Variants in C14orf180 observed in about 807,000 individuals in gnomAD.
C14orf180 encodes the protein nutritionally-regulated adipose and cardiac enriched protein homolog.
C14orf180 carries 13 observed loss-of-function variants against 13.9 expected under a neutral mutation model. The observed-to-expected ratio is 0.94, with a 90% CI of 0.61 to 1.49. The LOEUF (loss-of-function observed/expected upper bound fraction) is 1.49, where lower values mean the gene tolerates loss of function less well. Among genes scored for constraint, C14orf180 ranks in the 40% most tolerant of loss-of-function variants. C14orf180 has a pLI of 0.00. For synonymous variants in C14orf180, 113 were observed against 106.3 expected, an observed-to-expected ratio of 1.06 and a Z score of -0.39; for missense variants, 238 against 232.0, an observed-to-expected ratio of 1.03 and a Z score of -0.17.
intron 1 of C14orf180, chr14:104,581,199 C>A (rs1260511946): frequency 2.0e-5 from 3 of 152,222 alleles, no homozygotes; most frequent in Non-Finnish European, 2.9e-5. Flanking sequence ...CCAGCCACCC[C>A]GCCTGGCTGT....
At chr14:104,585,161 G>A (rs1482045484) in intron 1 of C14orf180, among the ~76,000 whole-genome samples, 1 of 152,236 alleles carries the variant, frequency 6.6e-6, no homozygotes, top group East Asian at 1.9e-4. Flanking sequence ...CCTGTGAGGG[G>A]CAGGGGCGGC....
chr14:104,586,753 C>T (rs1407642964), intron 2 of C14orf180, among the ~76,000 whole-genome samples: 1 of 152,120 alleles, frequency 6.6e-6, no homozygotes, highest in African/African-American at 2.4e-5. Flanking sequence ...GATTGGAGGC[C>T]CCCAGGTGGG....
chr14:104,586,112 G>A (rs1886608569), intron 1 of C14orf180, among the ~76,000 whole-genome samples: 1 of 152,220 alleles, frequency 6.6e-6, no homozygotes, highest in Non-Finnish European at 1.5e-5. Flanking sequence ...ATCATCGAGG[G>A]TGACTTTCAG....
Position 104,587,882 on chromosome 14 carries a change from A to G in C14orf180, c.241+4A>G, listed in dbSNP as rs745775991. Reference sequence around the variant, plus strand: ...CCCCCAGCGGTGACCGTCCACTGTAAGAGGGCACCCGCAGCAAGCAGCTGG... The same window carrying G: ...CCCCCAGCGGTGACCGTCCACTGTAGGAGGGCACCCGCAGCAAGCAGCTGG... On this transcript the variant is annotated splice_donor_region_variant and intron_variant, in intron 3 of 4. Transcript: ENST00000557649. 3 of 1,601,390 alleles carry G rather than the reference A, an allele frequency of 1.9e-6. No individual in the cohort carries two copies. The South Asian group carries it at 3.4e-5, about 18-fold the overall frequency.
intron 1 of C14orf180, among the ~76,000 whole-genome samples, chr14:104,583,495 T>C (rs1886509172): frequency 6.6e-6 from 1 of 152,166 alleles, no homozygotes; most frequent in African/African-American, 2.4e-5. Context: ...GCTGCTCTCC[T>C]CACCCCCATT....
chr14:104,589,136 C>T lies in C14orf180; in HGVS notation c.*353C>T, dbSNP rs960551756. 8.6e-6 allele frequency: 4 copies of T among 464,400 alleles called. No individual in the cohort carries two copies. Among genetic ancestry groups the T allele is most frequent in the Middle Eastern group, 5.4e-4 (1 of 1,840 alleles). 28.8% of individuals were successfully genotyped at this position (464,400 alleles called of 1,614,324 possible). A position where few individuals can be genotyped will look rare whatever the true frequency, so the allele number is the denominator to read the frequency against. On this transcript the variant is annotated 3_prime_UTR_variant, in exon 5 of 5. Coordinates refer to ENST00000557649, the MANE Select transcript of C14orf180 (RefSeq NM_001008404.3). The surrounding 1 kb of genome is among the most constrained non-coding windows in gnomAD (Gnocchi z 4.9). ...CTCCTGCTGCTGCTAGGGCCTGGCC[C>T]GGCCATCACCGTGTGCACCCTCTTG... is the stretch of plus-strand genomic sequence containing the variant.
intron 2 of C14orf180, 45 bp downstream of exon 2, chr14:104,586,586 A>G (rs1886634145): frequency 2.3e-6 from 3 of 1,295,376 alleles, no homozygotes; most frequent in Non-Finnish European, 3.1e-6. Context: ...CTGGCCTTCC[A>G]CTGGGGGCTG....
chr14:104,581,867 C>T (rs1886448882), intron 1 of C14orf180, among the ~76,000 whole-genome samples: 1 of 151,012 alleles, frequency 6.6e-6, no homozygotes, highest in South Asian at 2.1e-4. Context: ...ACCCTCTGCC[C>T]CTGGAAGGCT....
At chr14:104,588,379 C>G in intron 4 of C14orf180, 70 bp downstream of exon 4, 4 of 1,583,984 alleles carry the variant, frequency 2.5e-6, no homozygotes, top group Non-Finnish European at 3.5e-6. Context: ...CACTCCCTCC[C>G]CGAGGGAGGT....
chr14:104,588,516 C>A, intron 4 of C14orf180, 62 bp from the exon 5 acceptor site: 1 of 1,442,214 alleles, frequency 6.9e-7, no homozygotes, highest in Non-Finnish European at 9.1e-7. Flanking sequence ...CCCCACCAGC[C>A]CCAGTCCTCC....
At chr14:104,583,953 G>A (rs1313669311) in intron 1 of C14orf180, among the ~76,000 whole-genome samples, 4 of 151,928 alleles carry the variant, frequency 2.6e-5, no homozygotes, top group African/African-American at 4.8e-5. Context: ...CACCCCACAC[G>A]TGCACACTCA....
Position 104,588,707 on chromosome 14 carries a change from G to C in C14orf180, c.407G>C (p.Arg136Pro), listed in dbSNP as rs564744283. The C allele has an allele frequency of 2.6e-6, 4 of 1,535,554 alleles. No homozygotes were observed. The South Asian group carries it at 3.6e-5, about 14-fold the overall frequency. ...KPVATALEDL[R>P]ARLLGLVLHL... ...GTGGCAACGGCACTGGAGGACCTGC[G>C]GGCCCGGCTCCTCGGCCTTGTCCTG... The change falls in exon 5 of 5, where the codon CGG becomes CCG. Residue 136 changes from arginine to proline, a missense_variant. By Grantham distance (103) the Arg-to-Pro change is moderately radical (BLOSUM62 -2). Coordinates refer to ENST00000557649, the MANE Select transcript of C14orf180 (RefSeq NM_001008404.3).
intron 1 of C14orf180, among the ~76,000 whole-genome samples, chr14:104,583,585 G>A (rs1320689833): frequency 6.6e-6 from 1 of 152,114 alleles, no homozygotes; most frequent in African/African-American, 2.4e-5. Context: ...GTGCTCTGGA[G>A]CCCACACCTG....
chr14:104,586,491 A>G lies in C14orf180; in HGVS notation c.61A>G (p.Arg21Gly). The G allele has an allele frequency of 6.4e-7, 1 of 1,550,574 alleles. No homozygotes were observed. Among genetic ancestry groups the G allele is most frequent in the Non-Finnish European group, 8.7e-7 (1 of 1,147,092 alleles). ...CCGGCCAGAGACACGACGTCAGACC[A>G]GAAAGAATGAGGAGGCCGCGTGGGG... The part of the protein sequence containing the change: ...DSRPETRRQT[R>G]KNEEAAWGPR... Residue 21 changes from arginine to glycine, a missense_variant, in exon 2 of 5, where the codon AGA (arginine) becomes GGA (glycine). Coordinates refer to ENST00000557649, the MANE Select transcript of C14orf180 (RefSeq NM_001008404.3).
Position 104,587,874 on chromosome 14 carries a change from CCACTGTAAGAGGG to C in C14orf180, c.241_241+12del. 1 of 1,606,944 alleles carries C rather than the reference CCACTGTAAGAGGG, an allele frequency of 6.2e-7. No homozygotes were observed. The highest frequency in any genetic ancestry group is 8.5e-7 in the Non-Finnish European group (1 of 1,176,986). ...TCCGAGAACCCCCAGCGGTGACCGT[CCACTGTAAGAGGG>C]CACCCGCAGCAAGCAGCTGGGAGAG... On this transcript the variant is annotated splice_donor_variant and splice_donor_5th_base_variant and coding_sequence_variant and intron_variant, in exon 3 of 5. Coordinates refer to ENST00000557649, the MANE Select transcript of C14orf180 (RefSeq NM_001008404.3). LOFTEE classifies it high-confidence loss of function.
At position 104,589,124 on chromosome 14, in the gene C14orf180, T is replaced by C; in HGVS notation, c.*341T>C. 2.1e-6 allele frequency: 1 copy of C among 478,526 alleles called. No homozygotes were observed. The highest frequency in any genetic ancestry group is 3.6e-6 in the Non-Finnish European group (1 of 276,006). The allele number at this position is 478,526 out of a possible 1,614,324, so 29.6% of individuals were successfully genotyped here. A position where few individuals can be genotyped will look rare whatever the true frequency, so the allele number is the denominator to read the frequency against. ...TCCCAGCAGGAACTCCTGCTGCTGC[T>C]AGGGCCTGGCCCGGCCATCACCGTG... On this transcript the variant is annotated 3_prime_UTR_variant, in exon 5 of 5. Transcript: ENST00000557649. The surrounding 1 kb of genome is among the most constrained non-coding windows in gnomAD (Gnocchi z 4.9).
intron 3 of C14orf180, 61 bp from the exon 4 acceptor site, chr14:104,588,213 G>A: frequency 6.2e-7 from 1 of 1,604,014 alleles, no homozygotes; most frequent in Non-Finnish European, 8.5e-7. Flanking sequence ...AGACGAGAGG[G>A]CGGGGGCGCC....
Position 104,586,529 on chromosome 14 carries a change from C to T in C14orf180, c.99C>T (p.Cys33=). The T allele has an allele frequency of 1.3e-6, 2 of 1,540,896 alleles. No homozygotes were observed. Among genetic ancestry groups the T allele is most frequent in the Non-Finnish European group, 8.8e-7 (1 of 1,142,776 alleles). The part of the protein sequence containing the change: ...NEEAAWGPRV[C]RAEREDNRKC... ...AGGCCGCGTGGGGCCCGCGGGTGTG[C>T]AGGGCAGAGAGGGTAAGGCGGGCCG... The change falls in exon 2 of 5, where the codon TGC becomes TGT. Residue 33 remains cysteine, a synonymous_variant. Transcript: ENST00000557649.
rs1886695108 is a variant in C14orf180, at chr14:104,588,020, CT to C, written c.241+143del. On this transcript the variant is annotated intron_variant, in intron 3 of 4. Coordinates refer to ENST00000557649, the MANE Select transcript of C14orf180 (RefSeq NM_001008404.3). ...CCACCTGCCTTCAGTGCCACAACCC[CT>C]GTAAGACCTGGGCCCCTGGGGTCAT... 3 of 1,133,434 alleles carry C rather than the reference CT, an allele frequency of 2.6e-6. No individual in the cohort carries two copies. The Admixed American group carries it at 7.8e-5, about 30-fold the overall frequency. The allele number at this position is 1,133,434 out of a possible 1,614,324, so 70.2% of individuals were successfully genotyped here. A position where few individuals can be genotyped will look rare whatever the true frequency, so the allele number is the denominator to read the frequency against.
Sources: allele counts gnomAD v4.1 joint callset (sites outside exome capture counted in the v4.1 genomes callset), GRCh38; gene constraint gnomAD v4.1.1; non-coding constraint Gnocchi (gnomAD v3.1); transcripts MANE v1.5; gene names NCBI Gene and HGNC (gene_info 2026-07-23, HGNC 2026-07-21).